Variants in MAMDC2 observed in about 807,000 individuals in gnomAD.
The protein encoded by MAMDC2 is MAM domain-containing protein 2.
MAMDC2 carries 57 observed loss-of-function variants against 89.8 expected under a neutral mutation model. That is an observed-to-expected ratio of 0.63 (90% CI 0.51 to 0.79). The LOEUF (loss-of-function observed/expected upper bound fraction) is 0.79, where lower values mean the gene tolerates loss of function less well. Among genes scored for constraint, MAMDC2 ranks in the 30% least tolerant of loss-of-function variants. MAMDC2 has a pLI of 0.00. For missense variants in MAMDC2, 800 were observed against 820.6 expected (o/e 0.97, Z 0.31); for synonymous variants, 313 against 293.4 (o/e 1.07, Z -0.68).
chr9:70,114,349 C>T (rs556811899), intron 5 of MAMDC2, among the ~76,000 whole-genome samples: 1 of 149,418 alleles, frequency 6.7e-6, no homozygotes, highest in Non-Finnish European at 1.5e-5. Flanking sequence ...GAATGTAAGC[C>T]CGGGTTGCCA....
intron 9 of MAMDC2, among the ~76,000 whole-genome samples, chr9:70,145,383 T>C (rs1333393492): frequency 6.6e-6 from 1 of 152,240 alleles, no homozygotes; most frequent in Non-Finnish European, 1.5e-5. Flanking sequence ...CCTTTCTTCC[T>C]ATAAATGTCA....
intron 5 of MAMDC2, among the ~76,000 whole-genome samples, chr9:70,121,565 T>C (rs2030287164): frequency 6.6e-6 from 1 of 152,168 alleles, no homozygotes; most frequent in African/African-American, 2.4e-5. Context: ...TTCCCCCATA[T>C]AACCTCTTTC....
intron 5 of MAMDC2, 116 bp from the exon 6 acceptor site, chr9:70,126,043 C>A: frequency 8.6e-7 from 1 of 1,162,034 alleles, no homozygotes; most frequent in South Asian, 1.5e-5. Flanking sequence ...CATCCACTTC[C>A]TCCTCACCAT....
At chr9:70,095,203 C>G (rs1008722152) in intron 2 of MAMDC2, among the ~76,000 whole-genome samples, 1 of 152,166 alleles carries the variant, frequency 6.6e-6, no homozygotes, top group African/African-American at 2.4e-5. Flanking sequence ...CGAGCCAGAA[C>G]ACCAAGGCCA....
rs541978145 is a variant in MAMDC2 at position 70,101,509 on chromosome 9, G to A, written c.149-6702G>A. ...TTGCAAGTTAGTGCCCTATACAGAT[G>A]TACTATTTCTTATCTTTTATGCTGT... is the stretch of plus-strand genomic sequence containing the variant. On this transcript the variant is annotated intron_variant, in intron 2 of 13. Coordinates refer to ENST00000377182, the MANE Select transcript of MAMDC2 (RefSeq NM_153267.5). Among the ~76,000 whole-genome samples, 21 of 152,186 alleles carry A rather than the reference G, an allele frequency of 1.4e-4. No homozygotes were observed. In the South Asian group the frequency reaches 4.4e-3, roughly 32 times the overall value.
At chr9:70,121,717 G>GA (rs11342785) in intron 5 of MAMDC2, among the ~76,000 whole-genome samples, 140 of 143,504 alleles carry the variant, frequency 9.8e-4, no homozygotes, top group Middle Eastern at 3.6e-3. Context: ...TCTGACAAAG[G>GA]AAAAAAAAAA....
intron 4 of MAMDC2, 33 bp downstream of exon 4, chr9:70,109,837 G>A (rs1458227223): frequency 2.6e-6 from 4 of 1,561,974 alleles, no homozygotes; most frequent in South Asian, 2.2e-5. Context: ...AAATCAAATT[G>A]TGAATCTTTT....
chr9:70,134,827 C>T lies in MAMDC2; in HGVS notation c.994+3215C>T, dbSNP rs147328309. ...TTCAGTGTGGTGCCAGGTCCCACTG[C>T]CTCTCCTACCCAAGCCAGCTTTGAG... On this transcript the variant is annotated intron_variant, in intron 7 of 13. Transcript: ENST00000377182. Among the ~76,000 whole-genome samples, 642 of 152,310 alleles carry T rather than the reference C, an allele frequency of 4.2e-3. 5 individuals are homozygous for T. Among genetic ancestry groups the T allele is most frequent in the African/African-American group, 0.015 (604 of 41,580 alleles).
intron 11 of MAMDC2, among the ~76,000 whole-genome samples, chr9:70,199,127 T>C (rs1421425747): frequency 6.6e-6 from 1 of 150,858 alleles, no homozygotes; most frequent in Non-Finnish European, 1.5e-5. Context: ...TACATATGTA[T>C]ACATGTGCTG....
chr9:70,170,525 A>T lies in MAMDC2; in HGVS notation c.1545A>T (p.Glu515Asp), dbSNP rs1034132573. ...GAGAGTGTACTTTCGAGCAAGATGA[A>T]TGTACATTTACTCAGGAGAAAAGAA... ...PPGECTFEQD[E>D]CTFTQEKRNR... Residue 515 changes from glutamate (E) to aspartate (D), a missense_variant, in exon 11 of 14, where the codon GAA becomes GAT. Glu to Asp is a conservative substitution (Grantham distance 45, BLOSUM62 2). Transcript: ENST00000377182. The T allele has an allele frequency of 1.2e-6, 2 of 1,613,128 alleles. No homozygotes were observed. The highest frequency in any genetic ancestry group is 8.5e-7 in the Non-Finnish European group (1 of 1,179,808).
At chr9:70,133,423 G>A (rs2030882332) in intron 7 of MAMDC2, among the ~76,000 whole-genome samples, 1 of 152,184 alleles carries the variant, frequency 6.6e-6, no homozygotes, top group Admixed American at 6.5e-5. Context: ...GTGTTAAGAG[G>A]GCTGTTGATC....
chr9:70,122,603 G>C (rs975967658), intron 5 of MAMDC2, among the ~76,000 whole-genome samples: 2 of 152,176 alleles, frequency 1.3e-5, no homozygotes, highest in Non-Finnish European at 2.9e-5. Context: ...AGCAGCCATA[G>C]TGCCTAGGAG....
chr9:70,201,853 A>G (rs1200634558), intron 11 of MAMDC2, among the ~76,000 whole-genome samples: 1 of 139,680 alleles, frequency 7.2e-6, no homozygotes, highest in East Asian at 2.2e-4. Flanking sequence ...AGGTGTTTGT[A>G]GTATTCTCTG....
chr9:70,170,356 G>A, intron 10 of MAMDC2, 123 bp from the exon 11 acceptor site: 2 of 1,126,822 alleles, frequency 1.8e-6, no homozygotes, highest in Non-Finnish European at 1.2e-6. Flanking sequence ...GCCACCAGTG[G>A]GGGCTGCCTC....
intron 3 of MAMDC2, 139 bp from the exon 4 acceptor site, chr9:70,109,581 C>A (rs1325868443): frequency 6.0e-6 from 4 of 670,584 alleles, no homozygotes; most frequent in Middle Eastern, 2.5e-4. Flanking sequence ...AAATTGGTAT[C>A]CAATAGCAAT....
chr9:70,174,073 T>G (rs1164254750), intron 11 of MAMDC2, among the ~76,000 whole-genome samples: 1 of 152,234 alleles, frequency 6.6e-6, no homozygotes, highest in African/African-American at 2.4e-5. Flanking sequence ...ATCTTTGTAT[T>G]AAGAATAATT....
rs903319126 is a variant in MAMDC2, at chr9:70,053,846, C to T, written c.148+9149C>T. Among the ~76,000 whole-genome samples, 3 of 152,128 alleles carry T rather than the reference C, an allele frequency of 2.0e-5. 1 individual carries two copies. The East Asian group carries it at 5.8e-4, about 29-fold the overall frequency. On this transcript the variant is annotated intron_variant, in intron 2 of 13. Transcript: ENST00000377182. ...GCCAATGGGGAGGCTAATTAGGAGG[C>T]TACCCATGTATCTAAGGAAGAGATT... is the stretch of plus-strand genomic sequence containing the variant.
chr9:70,213,468 C>T (rs979211485), intron 11 of MAMDC2, among the ~76,000 whole-genome samples: 2 of 152,052 alleles, frequency 1.3e-5, no homozygotes, highest in African/African-American at 4.8e-5. Context: ...TTTCCATCTA[C>T]CATGTTACTA....
rs556146677 is a variant in MAMDC2 at position 70,044,078 on chromosome 9, C to T, written c.-120C>T. 1.5e-4 allele frequency: 180 copies of T among 1,216,300 alleles called. 2 individuals carry two copies. In the South Asian group the frequency reaches 2.2e-3, roughly 15 times the overall value. The allele number at this position is 1,216,300 out of a possible 1,614,324, so 75.3% of individuals were successfully genotyped here. On this transcript the variant is annotated 5_prime_UTR_variant, in exon 1 of 14. Coordinates refer to ENST00000377182, the MANE Select transcript of MAMDC2 (RefSeq NM_153267.5). ...TCAGAGCGCAAGCTTTGCCTCTCGA[C>T]TTCTCCCTCCTTGGGTCCCCGGCGC... is the stretch of plus-strand genomic sequence containing the variant.
Sources: gnomAD v4.1 joint callset for allele counts (sites outside exome capture counted in the v4.1 genomes callset) on GRCh38, gnomAD v4.1.1 for gene constraint, MANE v1.5 for transcripts, NCBI Gene and HGNC (gene_info 2026-07-23, HGNC 2026-07-21) for gene names.